The following CTTN variants were observed in gnomAD, a reference collection of about 807,000 sequenced individuals.
CTTN encodes src substrate cortactin.
A neutral mutation model predicts 84.0 loss-of-function variants in CTTN; 28 were observed. That is an observed-to-expected ratio of 0.33 (90% CI 0.25 to 0.46). CTTN has a LOEUF of 0.46. Among genes scored for constraint, CTTN ranks in the 20% least tolerant of loss-of-function variants. The pLI is 1.00. For synonymous variants in CTTN, 301 were observed against 288.8 expected (o/e 1.04, Z -0.43); for missense variants, 641 against 723.8 (o/e 0.89, Z 1.31).
At position 70,407,602 on chromosome 11, in the gene CTTN, T is replaced by C; in HGVS notation, c.161+11T>C. 1 of 1,612,438 alleles carries C rather than the reference T, an allele frequency of 6.2e-7. No individual in the cohort carries two copies. The highest frequency in any genetic ancestry group is 8.5e-7 in the Non-Finnish European group (1 of 1,179,898). ...CCAGGAGCATATCAAGTAAGAGGCG[T>C]CGCCACCACCCTCCCGAGGGCCCCT... On this transcript the variant is annotated intron_variant, in intron 4 of 17. Coordinates refer to ENST00000301843, the MANE Select transcript of CTTN (RefSeq NM_005231.4).
chr11:70,425,415 G>A lies in CTTN; in HGVS notation c.1027+14G>A, dbSNP rs768572774. ...CTGTCGAAGCTGGTGAGTCCCGGCTGATACCAGGAGCACCGTGTGGTTTCC... is the reference window on the plus strand; with the variant it reads ...CTGTCGAAGCTGGTGAGTCCCGGCTAATACCAGGAGCACCGTGTGGTTTCC... On this transcript the variant is annotated intron_variant, in intron 13 of 17. Transcript: ENST00000301843. 3.2e-5 allele frequency: 51 copies of A among 1,602,750 alleles called. No homozygotes were observed. Among genetic ancestry groups the A allele is most frequent in the Non-Finnish European group, 4.1e-5 (48 of 1,172,380 alleles).
chr11:70,405,378 A>G lies in CTTN; in HGVS notation c.-1+17A>G, dbSNP rs574076619. On this transcript the variant is annotated intron_variant, in intron 2 of 17. Transcript: ENST00000301843. ...GAAAGAAAGGTACTTGTGCATTGTG[A>G]ACATCCTAACATTCTTTTCCTGTGG... 1 of 152,360 alleles carries G rather than the reference A, an allele frequency of 6.6e-6. No individual in the cohort carries two copies. Among genetic ancestry groups the G allele is most frequent in the South Asian group, 2.1e-4 (1 of 4,826 alleles). 9.4% of individuals were successfully genotyped at this position (152,360 alleles called of 1,614,324 possible). A position where few individuals can be genotyped will look rare whatever the true frequency, so the allele number is the denominator to read the frequency against.
At chr11:70,432,204 T>C (rs1591452300) in intron 15 of CTTN, among the ~76,000 whole-genome samples, 1 of 152,274 alleles carries the variant, frequency 6.6e-6, no homozygotes, top group African/African-American at 2.4e-5. Context: ...AGTGAGGCCT[T>C]GCAGCTTGTC....
chr11:70,407,805 G>T lies in CTTN; in HGVS notation c.161+214G>T, dbSNP rs140774618. ...TATATGTGTATATTTAGATACTTCT[G>T]TGCTCAGTAATTTTTAAATTCCCAT... On this transcript the variant is annotated intron_variant, in intron 4 of 17. Transcript: ENST00000301843. The T allele has an allele frequency of 4.8e-4, 242 of 508,494 alleles. 2 individuals are homozygous for T. The highest frequency in any genetic ancestry group is 4.3e-3 in the African/African-American group (225 of 52,150). The allele number at this position is 508,494 out of a possible 1,614,324, so 31.5% of individuals were successfully genotyped here. A position where few individuals can be genotyped will look rare whatever the true frequency, so the allele number is the denominator to read the frequency against.
At position 70,414,582 on chromosome 11, in the gene CTTN, A is replaced by G; in HGVS notation, c.332A>G (p.His111Arg). 1 of 1,614,140 alleles carries G rather than the reference A, an allele frequency of 6.2e-7. No homozygotes were observed. The highest frequency in any genetic ancestry group is 8.5e-7 in the Non-Finnish European group (1 of 1,180,004). The stretch of plus-strand genomic sequence containing the variant: ...GAATATCAGTCGAAACTTTCCAAGC[A>G]CTGCTCGCAGGTGGACTCGGTCCGT... ...GHEYQSKLSKHCSQVDSVRGF... is the reference protein window; with the variant it reads ...GHEYQSKLSKRCSQVDSVRGF... Residue 111 changes from histidine (H) to arginine (R), a missense_variant, in exon 6 of 18, where the codon CAC becomes CGC. Around this residue, in one of 3 missense-constraint regions of CTTN, gnomAD observed 284 missense variants for 348.4 expected, o/e 0.82. Coordinates refer to ENST00000301843, the MANE Select transcript of CTTN (RefSeq NM_005231.4).
In CTTN at chr11:70,436,229, C is replaced by A. The variant is rs1179149539; in HGVS notation, c.*1067C>A. 6.3e-7 allele frequency: 1 copy of A among 1,583,866 alleles called. No individual in the cohort carries two copies. Among genetic ancestry groups the A allele is most frequent in the Admixed American group, 1.7e-5 (1 of 58,600 alleles). On this transcript the variant is annotated 3_prime_UTR_variant, in exon 18 of 18. Transcript: ENST00000301843. ...AGTGTGTGTTCTTCCCCAAGGTCCC[C>A]CCACAGCTCCAGGACACCGCTGTCC...
intron 11 of CTTN, chr11:70,422,738 C>A: frequency 6.9e-7 from 1 of 1,453,828 alleles, no homozygotes; most frequent in African/African-American, 1.4e-5. Context: ...CTGGCCTGTG[C>A]TCTGCTTCTC....
rs924301278 is a variant in CTTN at position 70,431,107 on chromosome 11, G to A, written c.1177-84G>A. ...TTTCCCCAGAGCATGCCTAGAGCTT[G>A]CACACGATCTTCTGAAACACGGCAG... On this transcript the variant is annotated intron_variant, in intron 14 of 17. Transcript: ENST00000301843. 2.9e-6 allele frequency: 4 copies of A among 1,380,862 alleles called. No individual in the cohort carries two copies. The African/African-American group carries it at 5.7e-5, about 20-fold the overall frequency. The allele number at this position is 1,380,862 out of a possible 1,614,324, so 85.5% of individuals were successfully genotyped here.
In CTTN at chr11:70,434,914, A is replaced by G. The variant is rs955529571; in HGVS notation, c.1517-112A>G. The G allele has an allele frequency of 6.2e-6, 7 of 1,137,448 alleles. No homozygotes were observed. The Admixed American group carries it at 8.5e-5, about 14-fold the overall frequency. The allele number at this position is 1,137,448 out of a possible 1,614,324, so 70.5% of individuals were successfully genotyped here. On this transcript the variant is annotated intron_variant, in intron 17 of 17. Coordinates refer to ENST00000301843, the MANE Select transcript of CTTN (RefSeq NM_005231.4). ...CCTCCGCGGTGGTCCGCATCTCTGC[A>G]GGGGGCATCTCTGAGCAGGCTGCCT...
Position 70,421,444 on chromosome 11 carries a change from C to T in CTTN, c.791-26C>T, listed in dbSNP as rs761147357. On this transcript the variant is annotated intron_variant, in intron 10 of 17. Transcript: ENST00000301843. ...CTGTGTTTCCTCTTTTGGTTGTTTT[C>T]CCCACCGTTGCTTGTGGATTTTCAG... is the stretch of plus-strand genomic sequence containing the variant. 6.0e-6 allele frequency: 9 copies of T among 1,505,536 alleles called. No homozygotes were observed. The African/African-American group carries it at 1.2e-4, about 21-fold the overall frequency. The allele number at this position is 1,505,536 out of a possible 1,614,324, so 93.3% of individuals were successfully genotyped here. A position where few individuals can be genotyped will look rare whatever the true frequency, so the allele number is the denominator to read the frequency against.
In CTTN at chr11:70,425,341, A is replaced by G. The variant is rs775435077; in HGVS notation, c.967A>G (p.Thr323Ala). 78 of 1,612,246 alleles carry G rather than the reference A, an allele frequency of 4.8e-5. No individual in the cohort carries two copies. Among genetic ancestry groups the G allele is most frequent in the Non-Finnish European group, 6.0e-5 (71 of 1,179,360 alleles). Reference protein sequence around the residue: ...QKDRMDKNASTFEDVTQVSSA... With the variant: ...QKDRMDKNASAFEDVTQVSSA... The stretch of plus-strand genomic sequence containing the variant: ...TGTCCTGTCTCTGCAGAATGCGTCA[A>G]CCTTTGAGGATGTCACCCAGGTGTC... Residue 323 changes from threonine to alanine, a missense_variant, in exon 13 of 18, where the codon ACC becomes GCC. This residue lies in a region of CTTN where 289 missense variants were observed against 273.1 expected (regional missense o/e 1.06). Coordinates refer to ENST00000301843, the MANE Select transcript of CTTN (RefSeq NM_005231.4).
At chr11:70,432,989 C>T in intron 15 of CTTN, 112 bp from the exon 16 acceptor site, 1 of 1,176,016 alleles carries the variant, frequency 8.5e-7, no homozygotes, top group East Asian at 2.4e-5. Context: ...TCAGTCCTGG[C>T]TGGGACTGAG....
Position 70,435,459 on chromosome 11 carries a change from G to C in CTTN, c.*297G>C. On this transcript the variant is annotated 3_prime_UTR_variant, in exon 18 of 18. Transcript: ENST00000301843. ...TCTTTTTTGCCAAATTGACTGTCAC[G>C]CGGCAGCTTCAGGGAGCTCGCATTC... 6.6e-7 allele frequency: 1 copy of C among 1,525,438 alleles called. No individual in the cohort carries two copies. Among genetic ancestry groups the C allele is most frequent in the Non-Finnish European group, 8.7e-7 (1 of 1,146,796 alleles). The allele number at this position is 1,525,438 out of a possible 1,614,324, so 94.5% of individuals were successfully genotyped here.
In CTTN at chr11:70,405,379, A is replaced by G. The variant is rs2058030596; in HGVS notation, c.-1+18A>G. 6.6e-6 allele frequency: 1 copy of G among 152,238 alleles called. No homozygotes were observed. The highest frequency in any genetic ancestry group is 2.1e-4 in the South Asian group (1 of 4,836). The allele number at this position is 152,238 out of a possible 1,614,324, so 9.4% of individuals were successfully genotyped here. A position where few individuals can be genotyped will look rare whatever the true frequency, so the allele number is the denominator to read the frequency against. ...AAAGAAAGGTACTTGTGCATTGTGA[A>G]CATCCTAACATTCTTTTCCTGTGGA... On this transcript the variant is annotated intron_variant, in intron 2 of 17. Coordinates refer to ENST00000301843, the MANE Select transcript of CTTN (RefSeq NM_005231.4).
intron 4 of CTTN, 198 bp downstream of exon 4, chr11:70,407,789 A>G (rs2058059936): frequency 1.8e-6 from 1 of 557,252 alleles, no homozygotes; most frequent in Non-Finnish European, 3.2e-6. Flanking sequence ...TTATATGTGT[A>G]TATTTAGATA....
chr11:70,431,409 A>C, intron 15 of CTTN, 129 bp downstream of exon 15: 1 of 967,024 alleles, frequency 1.0e-6, no homozygotes, highest in Non-Finnish European at 1.6e-6. Flanking sequence ...GCTGCATTCC[A>C]CGCCCGGAGA....
intron 5 of CTTN, 33 bp from the exon 6 acceptor site, chr11:70,414,509 T>C: frequency 1.3e-6 from 2 of 1,493,688 alleles, no homozygotes; most frequent in Non-Finnish European, 1.9e-6. Context: ...GTGTTGTTGG[T>C]GTCTAATGCT....
At chr11:70,411,441 C>T (rs537158228) in intron 5 of CTTN, among the ~76,000 whole-genome samples, 19 of 152,098 alleles carry the variant, frequency 1.2e-4, no homozygotes, top group East Asian at 5.8e-4. Flanking sequence ...CGTGTGCACA[C>T]GGACAGACGG....
rs1292877930 is a variant in CTTN, at chr11:70,433,684, G to T, written c.1482G>T (p.Gly494=). Residue 494 remains glycine (G), a synonymous_variant, in exon 17 of 18, where the codon GGG becomes GGT. Coordinates refer to ENST00000301843, the MANE Select transcript of CTTN (RefSeq NM_005231.4). ...ACGATGAGTACGAGAACGATCTGGG[G>T]ATCACAGCCGTCGCCCTGTACGACT... is the stretch of plus-strand genomic sequence containing the variant. ...STYDEYENDL[G]ITAVALYDYQ... is the part of the protein sequence containing the mutation. 3 of 1,613,930 alleles carry T rather than the reference G, an allele frequency of 1.9e-6. No homozygotes were observed. The highest frequency in any genetic ancestry group is 1.7e-5 in the Admixed American group (1 of 60,022).
Sources: allele counts gnomAD v4.1 joint callset (sites outside exome capture counted in the v4.1 genomes callset), GRCh38; gene constraint gnomAD v4.1.1; regional missense constraint gnomAD v4.1.1; transcripts MANE v1.5; gene names NCBI Gene and HGNC (gene_info 2026-07-23, HGNC 2026-07-21).